Variants in FLT1 observed in about 807,000 individuals in gnomAD.
FLT1 encodes vascular endothelial growth factor receptor 1.
FLT1 carries 49 observed loss-of-function variants against 156.3 expected under a neutral mutation model. The ratio of observed to expected loss-of-function variants is 0.31; its 90% CI spans 0.25 to 0.40. FLT1 has a LOEUF of 0.40. Among genes scored for constraint, FLT1 ranks in the 10% least tolerant of loss-of-function variants. The pLI, the probability that FLT1 is intolerant of heterozygous loss-of-function variation, is 1.00. For missense variants in FLT1, 1,322 were observed against 1,637.2 expected (o/e 0.81, Z 3.32); for synonymous variants, 594 against 583.8 (o/e 1.02, Z -0.25).
chr13:28,352,053 C>T (rs913128527), intron 15 of FLT1, among the ~76,000 whole-genome samples: 1 of 152,146 alleles, frequency 6.6e-6, no homozygotes, highest in Non-Finnish European at 1.5e-5. Flanking sequence ...TTATGCAGCC[C>T]ATGAAGAGTG....
In FLT1 at chr13:28,325,816, CAAAAA is replaced by C. The variant is rs377427677; in HGVS notation, c.2796+1641_2796+1645del. 5.6e-5 allele frequency among the ~76,000 whole-genome samples: 4 copies of C among 71,184 alleles called. No individual in the cohort carries two copies. In the Admixed American group the frequency reaches 5.7e-4, roughly 10 times the overall value. 46.7% of individuals were successfully genotyped at this position (71,184 alleles called of 152,430 possible). ...ACTGACAGAGAGAGAAACTCTGTCT[CAAAAA>C]AAAAAAAAAAAAAAAAAGGTTCTTA... On this transcript the variant is annotated intron_variant, in intron 20 of 29. Coordinates refer to ENST00000282397, the MANE Select transcript of FLT1 (RefSeq NM_002019.4).
chr13:28,325,515 T>C (rs1871641818), intron 20 of FLT1, among the ~76,000 whole-genome samples: 1 of 152,030 alleles, frequency 6.6e-6, no homozygotes, highest in African/African-American at 2.4e-5. Context: ...CCTTTCAGTT[T>C]CAAGATTCTA....
intron 13 of FLT1, chr13:28,387,545 C>T: frequency 1.9e-6 from 2 of 1,062,976 alleles, no homozygotes; most frequent in Non-Finnish European, 2.3e-6. Context: ...GATAGCTGCC[C>T]ACCAGGTTCT....
At chr13:28,493,841 A>C (rs1881595889) in intron 1 of FLT1, among the ~76,000 whole-genome samples, 1 of 152,244 alleles carries the variant, frequency 6.6e-6, no homozygotes, top group Non-Finnish European at 1.5e-5. Flanking sequence ...CCAAACGCCC[A>C]GCGAAGGCTG....
chr13:28,411,300 C>G (rs909427016), intron 10 of FLT1, among the ~76,000 whole-genome samples: 2 of 151,570 alleles, frequency 1.3e-5, no homozygotes, highest in African/African-American at 4.8e-5. Context: ...ACCTGTAAAT[C>G]CCAGCACTTT....
chr13:28,317,718 A>AG (rs1871263263), intron 24 of FLT1, 121 bp from the exon 25 acceptor site: 2 of 721,754 alleles, frequency 2.8e-6, no homozygotes, highest in Non-Finnish European at 5.0e-6. Flanking sequence ...ATAAATTCCC[A>AG]GGGATTACAA....
At chr13:28,400,422 AT>A (rs930182653) in intron 11 of FLT1, among the ~76,000 whole-genome samples, 18 of 152,212 alleles carry the variant, frequency 1.2e-4, no homozygotes, top group African/African-American at 4.3e-4. Flanking sequence ...AATTTATCTC[AT>A]TTCTAGAGTA....
At chr13:28,354,167 T>C (rs1267257623) in intron 15 of FLT1, among the ~76,000 whole-genome samples, 1 of 152,170 alleles carries the variant, frequency 6.6e-6, no homozygotes, top group Admixed American at 6.5e-5. Context: ...CCATTTCAAT[T>C]ATAAAATTAA....
chr13:28,410,101 C>T (rs1876062797), intron 10 of FLT1, among the ~76,000 whole-genome samples: 1 of 152,230 alleles, frequency 6.6e-6, no homozygotes, highest in African/African-American at 2.4e-5. Flanking sequence ...GCACAATGCA[C>T]ACCCAAAGGT....
At chr13:28,318,404 C>T (rs1256010896) in intron 24 of FLT1, among the ~76,000 whole-genome samples, 1 of 151,992 alleles carries the variant, frequency 6.6e-6, no homozygotes, top group Admixed American at 6.6e-5. Context: ...GCCCAGGATT[C>T]CCCTGCAACC....
rs776343811 is a variant in FLT1 at position 28,311,636 on chromosome 13, T to A, written c.3589A>T (p.Ser1197Cys). The A allele has an allele frequency of 3.7e-6, 6 of 1,613,956 alleles. No homozygotes were observed. Among genetic ancestry groups the A allele is most frequent in the Non-Finnish European group, 5.1e-6 (6 of 1,179,876 alleles). ...GAATTAAACTTCGGAGCTGAAATAC[T>A]TTCCTTGAAGAAGTCCTCAGAGAAG... ...PAFSEDFFKE[S>C]ISAPKFNSGS... is the part of the protein sequence containing the mutation. Residue 1197 changes from serine to cysteine, a missense_variant, in exon 27 of 30, where the codon AGT becomes TGT. Coordinates refer to ENST00000282397, the MANE Select transcript of FLT1 (RefSeq NM_002019.4).
chr13:28,345,356 T>C (rs1872525146), intron 16 of FLT1, 89 bp downstream of exon 16: 3 of 766,268 alleles, frequency 3.9e-6, no homozygotes, highest in African/African-American at 1.7e-5. Flanking sequence ...AGAAAGAGGG[T>C]CCAACATTTG....
intron 16 of FLT1, among the ~76,000 whole-genome samples, chr13:28,344,871 GACTC>G (rs1312373205): frequency 2.4e-5 from 3 of 123,064 alleles, no homozygotes; most frequent in Non-Finnish European, 4.7e-5. Flanking sequence ...AGTGGCATAT[GACTC>G]ACTTCTCACT....
chr13:28,421,865 C>T (rs1235121701), intron 10 of FLT1, among the ~76,000 whole-genome samples: 1 of 152,252 alleles, frequency 6.6e-6, no homozygotes, highest in Middle Eastern at 3.4e-3. Context: ...TTGCCATTTA[C>T]AGAAGGGGAA....
intron 20 of FLT1, among the ~76,000 whole-genome samples, chr13:28,323,935 A>G (rs1871577972): frequency 6.6e-6 from 1 of 152,216 alleles, no homozygotes. Flanking sequence ...TAACAAGGGT[A>G]GCAATGGCCT....
Position 28,494,900 on chromosome 13 carries a change from C to G in FLT1, c.-57G>C. On this transcript the variant is annotated 5_prime_UTR_variant, in exon 1 of 30. Transcript: ENST00000282397. The stretch of plus-strand genomic sequence containing the variant: ...CCCGCGCTCCCCGCGGCCAACGACC[C>G]GGCCGCCAGAGTCCGTCCTCTCGTT... 7.1e-7 allele frequency: 1 copy of G among 1,412,454 alleles called. No homozygotes were observed. The highest frequency in any genetic ancestry group is 9.5e-7 in the Non-Finnish European group (1 of 1,052,034). 87.5% of individuals were successfully genotyped at this position (1,412,454 alleles called of 1,614,324 possible). A position where few individuals can be genotyped will look rare whatever the true frequency, so the allele number is the denominator to read the frequency against.
chr13:28,366,962 G>A (rs1172502897), intron 14 of FLT1, among the ~76,000 whole-genome samples: 3 of 152,172 alleles, frequency 2.0e-5, no homozygotes, highest in East Asian at 1.9e-4. Flanking sequence ...AGTGCAGGCC[G>A]ATAGACAGCT....
At chr13:28,473,721 AGAAAGAAAGAAGGAAGGAAGGAAG>A (rs1566050215) in intron 1 of FLT1, among the ~76,000 whole-genome samples, 3 of 84,384 alleles carry the variant, frequency 3.6e-5, no homozygotes, top group African/African-American at 1.8e-4. Flanking sequence ...AAAGAAAGAA[AGAAAGAAAGAAGGAAGGAAGGAAG>A]GAAGGAAGGA....
At chr13:28,480,969 A>C (rs1432046517) in intron 1 of FLT1, among the ~76,000 whole-genome samples, 1 of 152,228 alleles carries the variant, frequency 6.6e-6, no homozygotes, top group African/African-American at 2.4e-5. Flanking sequence ...TCATGTTCTT[A>C]ACGTGTCCTT....
Sources: allele counts gnomAD v4.1 joint callset (sites outside exome capture counted in the v4.1 genomes callset), GRCh38; gene constraint gnomAD v4.1.1; transcripts MANE v1.5; gene names NCBI Gene and HGNC (gene_info 2026-07-23, HGNC 2026-07-21).